Variants in CYB5B observed in about 807,000 individuals in gnomAD.
CYB5B encodes the protein cytochrome b5 type B (outer mitochondrial membrane).
In CYB5B, 14 loss-of-function variants were observed where a neutral mutation model predicts 21.3. The ratio of observed to expected loss-of-function variants is 0.66; its 90% CI spans 0.43 to 1.03. The LOEUF (loss-of-function observed/expected upper bound fraction) is 1.03. Ranked by LOEUF, CYB5B falls within the 50% of genes least tolerant of loss-of-function variation. The pLI is 0.00. For missense variants in CYB5B, 166 were observed against 185.1 expected, an observed-to-expected ratio of 0.90 and a Z score of 0.60; for synonymous variants, 69 against 68.4, an observed-to-expected ratio of 1.01 and a Z score of -0.04.
At chr16:69,438,280 A>C (rs2014781514) in intron 1 of CYB5B, among the ~76,000 whole-genome samples, 1 of 152,190 alleles carries the variant, frequency 6.6e-6, no homozygotes, top group African/African-American at 2.4e-5. Context: ...TATATACCAC[A>C]TTTTGTGTAT....
At chr16:69,429,420 C>T (rs1054207481) in intron 1 of CYB5B, among the ~76,000 whole-genome samples, 2 of 152,144 alleles carry the variant, frequency 1.3e-5, no homozygotes, top group Admixed American at 6.5e-5. Context: ...CTGATTGGTG[C>T]ATTTACAATC....
chr16:69,451,908 A>T (rs942475709), intron 3 of CYB5B, among the ~76,000 whole-genome samples: 51 of 144,002 alleles, frequency 3.5e-4, no homozygotes, highest in Admixed American at 2.7e-3. Context: ...GCGCCACTGC[A>T]CTCCAGCCTG....
chr16:69,459,300 T>C, intron 4 of CYB5B, 179 bp downstream of exon 4: 1 of 776,842 alleles, frequency 1.3e-6, no homozygotes, highest in African/African-American at 1.8e-5. Context: ...TTTTACAGTT[T>C]CAGCCATTTT....
Position 69,463,710 on chromosome 16 carries a change from G to C in CYB5B, c.*1190G>C, listed in dbSNP as rs960722417. ...TTGAAAGTGAGAGTTCATGACAACA[G>C]ACCGTTTTCCATTTCATCTGTATTT... is the stretch of plus-strand genomic sequence containing the variant. On this transcript the variant is annotated 3_prime_UTR_variant, in exon 5 of 5. Transcript: ENST00000307892. 12 of 152,248 alleles carry C rather than the reference G, an allele frequency of 7.9e-5. No individual in the cohort carries two copies. Among genetic ancestry groups the C allele is most frequent in the Middle Eastern group, 3.4e-3 (1 of 294 alleles). 9.4% of individuals were successfully genotyped at this position (152,248 alleles called of 1,614,324 possible).
intron 1 of CYB5B, among the ~76,000 whole-genome samples, chr16:69,446,835 C>T (rs1363130924): frequency 1.3e-5 from 2 of 152,180 alleles, no homozygotes; most frequent in African/African-American, 4.8e-5. Flanking sequence ...TTTCTTCACT[C>T]TTTCTTTGAC....
intron 1 of CYB5B, among the ~76,000 whole-genome samples, chr16:69,435,238 A>G (rs1230770599): frequency 6.6e-6 from 1 of 152,252 alleles, no homozygotes; most frequent in Non-Finnish European, 1.5e-5. Flanking sequence ...CAAGTAATTT[A>G]AATAATGCAT....
chr16:69,452,200 G>A (rs2014941075), intron 3 of CYB5B, among the ~76,000 whole-genome samples: 1 of 149,342 alleles, frequency 6.7e-6, no homozygotes, highest in Non-Finnish European at 1.5e-5. Flanking sequence ...AGTAGTCCCA[G>A]GTACTCGGGA....
intron 1 of CYB5B, among the ~76,000 whole-genome samples, chr16:69,438,705 T>A (rs7350852): frequency 0.17 from 26,346 of 152,110 alleles, 2,402 homozygotes; most frequent in Middle Eastern, 0.25. Flanking sequence ...TGGTCATTTG[T>A]GTATTTACTT....
At chr16:69,436,154 G>T (rs1392617800) in intron 1 of CYB5B, among the ~76,000 whole-genome samples, 1 of 152,206 alleles carries the variant, frequency 6.6e-6, no homozygotes, top group Non-Finnish European at 1.5e-5. Flanking sequence ...AGCAGTGTGT[G>T]TGCTCACTCC....
chr16:69,454,010 C>G (rs1165771489), intron 3 of CYB5B, among the ~76,000 whole-genome samples: 1 of 152,180 alleles, frequency 6.6e-6, no homozygotes, highest in East Asian at 1.9e-4. Context: ...TGGTAAAGCT[C>G]TACTTAGAAA....
At chr16:69,448,082 T>C (rs373859502) in intron 2 of CYB5B, 33 bp from the exon 3 acceptor site, 38 of 1,607,494 alleles carry the variant, frequency 2.4e-5, no homozygotes, top group African/African-American at 6.7e-5. Context: ...TGGCTATGTC[T>C]TAAAATATTA....
intron 4 of CYB5B, among the ~76,000 whole-genome samples, chr16:69,460,228 C>T (rs1407602506): frequency 1.3e-5 from 2 of 151,358 alleles, no homozygotes; most frequent in Non-Finnish European, 1.5e-5. Flanking sequence ...GAACGAAACT[C>T]CATCTCAAAA....
chr16:69,457,798 G>A (rs1368660468), intron 3 of CYB5B, among the ~76,000 whole-genome samples: 1 of 152,070 alleles, frequency 6.6e-6, no homozygotes, highest in African/African-American at 2.4e-5. Flanking sequence ...ATTTCTTTCA[G>A]GTTTGGGGCA....
At chr16:69,431,136 C>T (rs942685522) in intron 1 of CYB5B, among the ~76,000 whole-genome samples, 1 of 151,914 alleles carries the variant, frequency 6.6e-6, no homozygotes, top group Non-Finnish European at 1.5e-5. Flanking sequence ...GTAGCTGGCA[C>T]TACAGGTCCC....
At chr16:69,434,974 G>A (rs1455105922) in intron 1 of CYB5B, among the ~76,000 whole-genome samples, 1 of 151,518 alleles carries the variant, frequency 6.6e-6, no homozygotes, top group Admixed American at 6.6e-5. Context: ...TGGGCTTATT[G>A]GCCATTTATA....
chr16:69,431,200 G>A (rs1172132791), intron 1 of CYB5B, among the ~76,000 whole-genome samples: 3 of 151,250 alleles, frequency 2.0e-5, no homozygotes, highest in Non-Finnish European at 2.9e-5. Context: ...TGTTAGGTAG[G>A]CTGGTCTCGA....
At chr16:69,442,669 CT>C (rs2014836238) in intron 1 of CYB5B, among the ~76,000 whole-genome samples, 1 of 151,908 alleles carries the variant, frequency 6.6e-6, no homozygotes, top group Non-Finnish European at 1.5e-5. Flanking sequence ...GCCACCATGC[CT>C]GGATAATTTT....
intron 3 of CYB5B, among the ~76,000 whole-genome samples, chr16:69,451,122 G>A (rs1360648120): frequency 2.0e-5 from 3 of 151,848 alleles, no homozygotes; most frequent in Admixed American, 6.6e-5. Flanking sequence ...TTTTTAACCC[G>A]CTTCAATCAA....
chr16:69,455,496 C>T (rs1265568529), intron 3 of CYB5B, among the ~76,000 whole-genome samples: 1 of 149,092 alleles, frequency 6.7e-6, no homozygotes, highest in African/African-American at 2.5e-5. Context: ...CAACCTCTGC[C>T]TCCCGGGTTC....
Sources: allele counts gnomAD v4.1 joint callset (sites outside exome capture counted in the v4.1 genomes callset), GRCh38; gene constraint gnomAD v4.1.1; transcripts MANE v1.5; gene names NCBI Gene and HGNC (gene_info 2026-07-23, HGNC 2026-07-21).